Variants in TANGO6 observed in about 807,000 individuals in gnomAD.
TANGO6 encodes the protein transport and Golgi organization protein 6 homolog.
In TANGO6, 90 loss-of-function variants were observed where a neutral mutation model predicts 114.2. That is an observed-to-expected ratio of 0.79 (90% confidence interval 0.66 to 0.94). The LOEUF is 0.94. Among genes scored for constraint, TANGO6 ranks in the 40% least tolerant of loss-of-function variants. TANGO6 has a pLI of 0.00. For missense variants in TANGO6, 1,274 were observed against 1,315.3 expected (o/e 0.97, Z 0.49); for synonymous variants, 477 against 509.8 (o/e 0.94, Z 0.87).
intron 14 of TANGO6, among the ~76,000 whole-genome samples, chr16:68,930,784 C>T (rs759065327): frequency 5.3e-5 from 8 of 151,690 alleles, no homozygotes; most frequent in Admixed American, 2.0e-4. Flanking sequence ...TACAGGTGCC[C>T]GCCACCACGC....
chr16:68,951,803 G>A (rs1963474102), intron 14 of TANGO6, among the ~76,000 whole-genome samples: 1 of 151,932 alleles, frequency 6.6e-6, no homozygotes, highest in African/African-American at 2.4e-5. Context: ...TAGTAGAGAC[G>A]AGGTTTCACC....
chr16:68,934,092 G>GAGT (rs2152199213), intron 14 of TANGO6, among the ~76,000 whole-genome samples: 1 of 150,770 alleles, frequency 6.6e-6, no homozygotes, highest in East Asian at 2.0e-4. Flanking sequence ...ACTCAGGGTA[G>GAGT]AGTATAGTGG....
At chr16:68,928,298 ATTTTTTTT>A (rs10701295) in intron 13 of TANGO6, among the ~76,000 whole-genome samples, 4 of 98,570 alleles carry the variant, frequency 4.1e-5, no homozygotes, top group East Asian at 3.1e-4. Context: ...CTGAGTGCCA[ATTTTTTTT>A]TTTTTTTTTT....
chr16:68,984,005 C>T (rs1415077100), intron 15 of TANGO6, among the ~76,000 whole-genome samples: 3 of 151,128 alleles, frequency 2.0e-5, no homozygotes, highest in African/African-American at 7.3e-5. Flanking sequence ...TGCTCTCCAG[C>T]CTGGGCGACA....
chr16:69,036,878 G>A (rs1959697113), intron 16 of TANGO6, among the ~76,000 whole-genome samples: 2 of 152,044 alleles, frequency 1.3e-5, no homozygotes, highest in African/African-American at 4.8e-5. Flanking sequence ...TGGGAGGAGT[G>A]CCAGAGCCTG....
chr16:68,936,120 G>A (rs1458966356), intron 14 of TANGO6, among the ~76,000 whole-genome samples: 1 of 152,118 alleles, frequency 6.6e-6, no homozygotes, highest in East Asian at 1.9e-4. Context: ...GGAGGTTAAG[G>A]CTGCAGAGAG....
At chr16:68,955,958 C>G (rs1963526349) in intron 14 of TANGO6, among the ~76,000 whole-genome samples, 1 of 152,060 alleles carries the variant, frequency 6.6e-6, no homozygotes, top group Admixed American at 6.6e-5. Context: ...CAAGACCAGC[C>G]TGGCCAACAT....
intron 17 of TANGO6, among the ~76,000 whole-genome samples, chr16:69,076,406 A>C (rs933111945): frequency 2.0e-5 from 3 of 152,028 alleles, no homozygotes; most frequent in African/African-American, 7.2e-5. Context: ...TTCTTGATAC[A>C]TTTACATTCG....
At chr16:68,945,980 C>T (rs897562687) in intron 14 of TANGO6, among the ~76,000 whole-genome samples, 2 of 152,162 alleles carry the variant, frequency 1.3e-5, no homozygotes, top group African/African-American at 4.8e-5. Context: ...CCACTGCGCC[C>T]AGCCTCTTTG....
Position 68,875,290 on chromosome 16 carries a change from G to A in TANGO6, c.1131G>A (p.Gln377=). The part of the protein sequence containing the change: ...PENYYRDICP[Q]VLDLFHFQDK... ...ATTACTACAGGGACATCTGCCCCCA[G>A]GTAAATCTTTTTGTTTCTATTGATC... The change falls in exon 5 of 18, where the codon CAG becomes CAA. Residue 377 remains glutamine (Q), a splice_region_variant and synonymous_variant. Transcript: ENST00000261778. 1 of 1,611,474 alleles carries A rather than the reference G, an allele frequency of 6.2e-7. No individual in the cohort carries two copies. Among genetic ancestry groups the A allele is most frequent in the Non-Finnish European group, 8.5e-7 (1 of 1,178,406 alleles).
At chr16:69,082,036 G>A (rs891749529) in intron 17 of TANGO6, among the ~76,000 whole-genome samples, 4 of 150,360 alleles carry the variant, frequency 2.7e-5, no homozygotes, top group Non-Finnish European at 4.4e-5. Context: ...GTTCAGTGGC[G>A]CCATCTCGGC....
chr16:69,007,888 TC>T (rs1964107782), intron 15 of TANGO6, among the ~76,000 whole-genome samples: 2 of 152,200 alleles, frequency 1.3e-5, no homozygotes, highest in African/African-American at 4.8e-5. Context: ...GATTTGTACT[TC>T]CCCAGTGATT....
chr16:69,050,420 C>A (rs1959930088), intron 17 of TANGO6, among the ~76,000 whole-genome samples: 1 of 151,886 alleles, frequency 6.6e-6, no homozygotes, highest in African/African-American at 2.4e-5. Context: ...TGGCTCGGTG[C>A]AGCCTCAAAC....
At chr16:68,980,037 G>A (rs866001373) in intron 15 of TANGO6, among the ~76,000 whole-genome samples, 3 of 151,616 alleles carry the variant, frequency 2.0e-5, no homozygotes, top group South Asian at 2.1e-4. Flanking sequence ...TAGTAGAGAC[G>A]GGGTTTCACC....
chr16:68,913,404 A>ATTTTTT (rs769117351), intron 11 of TANGO6, among the ~76,000 whole-genome samples: 1 of 122,510 alleles, frequency 8.2e-6, no homozygotes, highest in Non-Finnish European at 1.7e-5. Flanking sequence ...AAAATTATTA[A>ATTTTTT]TTTTTTTTTT....
rs1282648675 is a variant in TANGO6, at chr16:69,016,955, C to G, written c.2843-5873C>G. On this transcript the variant is annotated intron_variant, in intron 15 of 17. Coordinates refer to ENST00000261778, the MANE Select transcript of TANGO6 (RefSeq NM_024562.2). The stretch of plus-strand genomic sequence containing the variant: ...GGATTACAGGTGTAAGCCACCATAC[C>G]CAGCCTAAAATGTTTATTTTAATGA... Among the ~76,000 whole-genome samples, 3 of 152,168 alleles carry G rather than the reference C, an allele frequency of 2.0e-5. No homozygotes were observed. The Middle Eastern group carries it at 0.01, about 518-fold the overall frequency.
rs547554130 is a variant in TANGO6, at chr16:68,976,171, C to A, written c.2842+2003C>A. Among the ~76,000 whole-genome samples, 11 of 152,230 alleles carry A rather than the reference C, an allele frequency of 7.2e-5. No individual in the cohort carries two copies. The South Asian group carries it at 2.3e-3, about 32-fold the overall frequency. On this transcript the variant is annotated intron_variant, in intron 15 of 17. Transcript: ENST00000261778. ...CTGGTCTTGAACTCCTGGCCTCAAG[C>A]AGTCTTCCCACCTTGGCTTCACAAA...
intron 17 of TANGO6, among the ~76,000 whole-genome samples, chr16:69,043,283 A>AGTGTGTGTGTGT (rs57443398): frequency 1.6e-4 from 24 of 146,750 alleles, no homozygotes; most frequent in African/African-American, 5.1e-4. Flanking sequence ...AGACAGAGCG[A>AGTGTGTGTGTGT]GTGTGTGTGT....
At chr16:68,972,049 A>G (rs536341955) in intron 14 of TANGO6, among the ~76,000 whole-genome samples, 59 of 151,958 alleles carry the variant, frequency 3.9e-4, no homozygotes, top group Admixed American at 6.6e-4. Context: ...ACATTTTGGC[A>G]ACAGTGTTGT....
Sources: allele counts gnomAD v4.1 joint callset (sites outside exome capture counted in the v4.1 genomes callset), GRCh38; gene constraint gnomAD v4.1.1; transcripts MANE v1.5; gene names NCBI Gene and HGNC (gene_info 2026-07-23, HGNC 2026-07-21).